Variants in COL1A2 observed in about 807,000 individuals in gnomAD.
COL1A2 encodes collagen alpha-2(I) chain.
In COL1A2, 49 loss-of-function variants were observed where a neutral mutation model predicts 174.3. That is an observed-to-expected ratio of 0.28 (90% confidence interval 0.22 to 0.36). The LOEUF (loss-of-function observed/expected upper bound fraction) is 0.36. COL1A2 is among the 10% of genes least tolerant of loss of function. COL1A2 has a pLI of 1.00. For synonymous variants in COL1A2, 655 were observed against 606.6 expected, an observed-to-expected ratio of 1.08 and a Z score of -1.17; for missense variants, 1,438 against 1,822.7, an observed-to-expected ratio of 0.79 and a Z score of 3.84.
intron 16 of COL1A2, 38 bp from the exon 17 acceptor site, chr7:94,409,284 T>C (rs1026738130): frequency 1.9e-6 from 3 of 1,559,632 alleles, no homozygotes; most frequent in South Asian, 2.2e-5. Context: ...TGTTTCATTA[T>C]TTGCTGGTTA....
intron 6 of COL1A2, 135 bp downstream of exon 6, chr7:94,401,755 T>G: frequency 2.2e-6 from 1 of 461,616 alleles, no homozygotes; most frequent in Admixed American, 3.2e-5. Context: ...CAACTCTTTT[T>G]GTTTTCAAAT....
At chr7:94,418,926 C>T (rs2115925790) in intron 33 of COL1A2, among the ~76,000 whole-genome samples, 1 of 151,442 alleles carries the variant, frequency 6.6e-6, no homozygotes, top group East Asian at 1.9e-4. Context: ...GGACCTCTAA[C>T]AAGATTCTAT....
chr7:94,396,193 A>G (rs1791579048), intron 1 of COL1A2, among the ~76,000 whole-genome samples: 1 of 152,146 alleles, frequency 6.6e-6, no homozygotes, highest in African/African-American at 2.4e-5. Flanking sequence ...CCAAAGTGCT[A>G]GACAAAGATA....
In COL1A2 at chr7:94,410,869, T is replaced by C. The variant is rs1220749202; in HGVS notation, c.1198-20T>C. On this transcript the variant is annotated intron_variant, in intron 21 of 51. Coordinates refer to ENST00000297268, the MANE Select transcript of COL1A2 (RefSeq NM_000089.4). Reference sequence around the variant, plus strand: ...CAAGAGATTTCTTTAATTCTCTCTATTTCATGTACTTTCTTGCAGGGTAGT... The same window carrying C: ...CAAGAGATTTCTTTAATTCTCTCTACTTCATGTACTTTCTTGCAGGGTAGT... The C allele has an allele frequency of 1.2e-6, 2 of 1,612,768 alleles. No homozygotes were observed. The highest frequency in any genetic ancestry group is 2.2e-5 in the South Asian group (2 of 91,040).
Position 94,397,769 on chromosome 7 carries a change from CT to C in COL1A2, c.81+18del. On this transcript the variant is annotated intron_variant, in intron 2 of 51. Transcript: ENST00000297268. ...ACAGCTTTACAAGAGGTGAGTAAAA[CT>C]TTTTTTAGAATTTTTAAAAATACTT... The C allele has an allele frequency of 1.5e-5, 19 of 1,283,314 alleles. No individual in the cohort carries two copies. Among genetic ancestry groups the C allele is most frequent in the South Asian group, 2.6e-5 (2 of 77,984 alleles). The allele number at this position is 1,283,314 out of a possible 1,614,324, so 79.5% of individuals were successfully genotyped here. A position where few individuals can be genotyped will look rare whatever the true frequency, so the allele number is the denominator to read the frequency against.
intron 26 of COL1A2, 111 bp downstream of exon 26, chr7:94,413,247 C>A: frequency 9.2e-7 from 1 of 1,084,692 alleles, no homozygotes; most frequent in Non-Finnish European, 1.4e-6. Flanking sequence ...AAGATGGCAT[C>A]CCCAGGGGTC....
intron 42 of COL1A2, 133 bp downstream of exon 42, chr7:94,425,357 T>C: frequency 2.2e-6 from 2 of 907,834 alleles, no homozygotes; most frequent in Non-Finnish European, 3.5e-6. Flanking sequence ...TATCTACACC[T>C]AGTACTGAAA....
At chr7:94,426,631 A>G in intron 46 of COL1A2, 101 bp downstream of exon 46, 1 of 910,066 alleles carries the variant, frequency 1.1e-6, no homozygotes, top group South Asian at 1.4e-5. Flanking sequence ...TATAGCCTAT[A>G]TAATATCCAT....
Position 94,427,927 on chromosome 7 carries a change from T to A in COL1A2, c.3526+42T>A, listed in dbSNP as rs576045861. ...AGACCAGACTGACCCTTCTCACAAG[T>A]TGAGCTTTTCAAAATTAGTTTCCAT... On this transcript the variant is annotated intron_variant, in intron 49 of 51. Coordinates refer to ENST00000297268, the MANE Select transcript of COL1A2 (RefSeq NM_000089.4). 3.1e-6 allele frequency: 5 copies of A among 1,608,456 alleles called. No individual in the cohort carries two copies. In the Admixed American group the frequency reaches 6.7e-5, roughly 22 times the overall value.
At chr7:94,405,803 G>C (rs1791782759) in intron 11 of COL1A2, 77 bp downstream of exon 11, 3 of 1,119,972 alleles carry the variant, frequency 2.7e-6, no homozygotes, top group Non-Finnish European at 2.7e-6. Context: ...TTAAAATCTT[G>C]GGTGACATAT....
chr7:94,408,307 AC>A (rs757690811), intron 14 of COL1A2, 28 bp from the exon 15 acceptor site: 1 of 1,613,894 alleles, frequency 6.2e-7, no homozygotes, highest in East Asian at 2.2e-5. Flanking sequence ...TTAAGTTTCC[AC>A]CTGATCTTCC....
chr7:94,426,722 G>A, intron 46 of COL1A2, 192 bp downstream of exon 46: 1 of 658,780 alleles, frequency 1.5e-6, no homozygotes, highest in Non-Finnish European at 2.7e-6. Context: ...GATTAAGGGA[G>A]ATAGAAATAG....
At chr7:94,418,415 G>A in intron 32 of COL1A2, 84 bp from the exon 33 acceptor site, 1 of 1,191,466 alleles carries the variant, frequency 8.4e-7, no homozygotes, top group Non-Finnish European at 1.2e-6. Flanking sequence ...AGCATCTTCT[G>A]TAAAAAAGAA....
In COL1A2 at chr7:94,420,668, G is replaced by A; in HGVS notation, c.2295+20G>A. 1 of 1,565,176 alleles carries A rather than the reference G, an allele frequency of 6.4e-7. No individual in the cohort carries two copies. The highest frequency in any genetic ancestry group is 1.4e-5 in the African/African-American group (1 of 73,748). On this transcript the variant is annotated intron_variant, in intron 37 of 51. Transcript: ENST00000297268. ...CCAGCTGTAAGTTGAATTCACTGGT[G>A]GTCCACACAGCAGCTACCCATTAGA...
chr7:94,427,568 G>T (rs907497784), intron 48 of COL1A2, 59 bp from the exon 49 acceptor site: 3 of 1,592,062 alleles, frequency 1.9e-6, no homozygotes, highest in African/African-American at 2.7e-5. Context: ...CTGCTGCCAT[G>T]GATGTCTCTC....
At chr7:94,413,167 A>G in intron 26 of COL1A2, 31 bp downstream of exon 26, 1 of 1,605,334 alleles carries the variant, frequency 6.2e-7, no homozygotes, top group Non-Finnish European at 8.5e-7. Flanking sequence ...AGATCTATTC[A>G]CATAGCATTC....
chr7:94,406,764 A>AT (rs1261863497), intron 12 of COL1A2, among the ~76,000 whole-genome samples: 1 of 152,210 alleles, frequency 6.6e-6, no homozygotes, highest in Non-Finnish European at 1.5e-5. Flanking sequence ...AAAAATTTTA[A>AT]TTAGGTAATT....
Position 94,420,414 on chromosome 7 carries a change from T to C in COL1A2, c.2157T>C (p.Pro719=), listed in dbSNP as rs1487067362. 1 of 1,614,206 alleles carries C rather than the reference T, an allele frequency of 6.2e-7. No homozygotes were observed. Among genetic ancestry groups the C allele is most frequent in the Non-Finnish European group, 8.5e-7 (1 of 1,180,024 alleles). Residue 719 remains proline (P), a synonymous_variant, in exon 36 of 52, where the codon CCT becomes CCC. Coordinates refer to ENST00000297268, the MANE Select transcript of COL1A2 (RefSeq NM_000089.4). Reference sequence around the variant, plus strand: ...AGGGTGAACGTGGTGAGGTCGGTCCTGCTGGCCCCAATGGATTTGCTGGTC... The same window carrying C: ...AGGGTGAACGTGGTGAGGTCGGTCCCGCTGGCCCCAATGGATTTGCTGGTC... ...GSPGERGEVG[P]AGPNGFAGPA... is the part of the protein sequence containing the mutation.
Position 94,429,113 on chromosome 7 carries a change from T to TC in COL1A2, c.3712-75_3712-74insC, listed in dbSNP as rs1367305879. On this transcript the variant is annotated intron_variant, in intron 50 of 51. Transcript: ENST00000297268. Reference sequence around the variant, plus strand: ...TTCCTGAGATCTTTTTTTTTCTTTTTTTTTTTTTTCATGTTTGACTCTTAG... The same window carrying TC: ...TTCCTGAGATCTTTTTTTTTCTTTTTCTTTTTTTTTCATGTTTGACTCTTAG... 2.5e-6 allele frequency: 3 copies of TC among 1,211,630 alleles called. No individual in the cohort carries two copies. The South Asian group carries it at 4.3e-5, about 17-fold the overall frequency. 75.1% of individuals were successfully genotyped at this position (1,211,630 alleles called of 1,614,324 possible). A position where few individuals can be genotyped will look rare whatever the true frequency, so the allele number is the denominator to read the frequency against.
Sources: allele counts gnomAD v4.1 joint callset (sites outside exome capture counted in the v4.1 genomes callset), GRCh38; gene constraint gnomAD v4.1.1; transcripts MANE v1.5; gene names NCBI Gene and HGNC (gene_info 2026-07-23, HGNC 2026-07-21).